The following PSEN2 variants were observed in gnomAD, a reference collection of about 807,000 sequenced individuals.
The protein encoded by PSEN2 is presenilin-2.
A neutral mutation model predicts 49.1 loss-of-function variants in PSEN2; 32 were observed. That is an observed-to-expected ratio of 0.65 (90% confidence interval 0.49 to 0.88). The LOEUF is 0.88. PSEN2 is among the 40% of genes least tolerant of loss of function. The pLI is 0.00. For missense variants in PSEN2, 522 were observed against 586.9 expected, an observed-to-expected ratio of 0.89 and a Z score of 1.14; for synonymous variants, 255 against 244.0, an observed-to-expected ratio of 1.05 and a Z score of -0.42.
chr1:226,900,503 C>T (rs184241213), downstream of PSEN2, among the ~76,000 whole-genome samples: 59 of 152,246 alleles, frequency 3.9e-4, 1 homozygote, highest in African/African-American at 1.1e-3. Flanking sequence ...TCGAATGGGG[C>T]GGCAGGGTCC....
At chr1:226,890,193 C>A in intron 9 of PSEN2, 60 bp downstream of exon 9, 2 of 1,384,744 alleles carry the variant, frequency 1.4e-6, no homozygotes, top group Non-Finnish European at 2.1e-6. Flanking sequence ...TGTGGGGGGA[C>A]AGGGGCCTGC....
At chr1:226,891,709 T>G (rs759079072) in intron 10 of PSEN2, 34 bp from the exon 11 acceptor site, 1 of 1,546,000 alleles carries the variant, frequency 6.5e-7, no homozygotes, top group Non-Finnish European at 8.9e-7. Context: ...CTCCTCACGG[T>G]GATGACGGAC....
chr1:226,885,350 AG>A (rs1472158232), intron 5 of PSEN2, among the ~76,000 whole-genome samples, 187 bp from the exon 6 acceptor site: 2 of 152,156 alleles, frequency 1.3e-5, no homozygotes, highest in African/African-American at 4.8e-5. Context: ...GTCTGTGGTC[AG>A]GGTGCCAGGA....
intron 12 of PSEN2, among the ~76,000 whole-genome samples, 183 bp from the exon 13 acceptor site, chr1:226,895,241 G>A (rs1307647311): frequency 6.6e-6 from 1 of 152,208 alleles, no homozygotes. Flanking sequence ...TCTAATGGGG[G>A]TGAGAACTTC....
chr1:226,897,717 C>G (rs1308758405), downstream of PSEN2: 1 of 155,440 alleles, frequency 6.4e-6, no homozygotes, highest in Non-Finnish European at 1.5e-5. Context: ...ATATTTGCTC[C>G]AGATTTGTCT....
At position 226,895,570 on chromosome 1, in the gene PSEN2, C is replaced by T. The variant is rs758582618; in HGVS notation, c.1338C>T (p.Leu446=). 1.2e-6 allele frequency: 2 copies of T among 1,612,108 alleles called. No homozygotes were observed. Among genetic ancestry groups the T allele is most frequent in the Non-Finnish European group, 1.7e-6 (2 of 1,179,078 alleles). The part of the protein sequence containing the change: ...PFMDTLASHQ[L]YI ...TGGACACCCTGGCCTCCCATCAGCTCTACATCTGAGGGACATGGTGTGCCA... is the reference window on the plus strand; with the variant it reads ...TGGACACCCTGGCCTCCCATCAGCTTTACATCTGAGGGACATGGTGTGCCA... The change falls in exon 13 of 13, where the codon CTC becomes CTT. Residue 446 remains leucine (L), a synonymous_variant. Coordinates refer to ENST00000366783, the MANE Select transcript of PSEN2 (RefSeq NM_000447.3).
At position 226,891,345 on chromosome 1, in the gene PSEN2, C is replaced by G; in HGVS notation, c.954C>G (p.Pro318=). 6.2e-7 allele frequency: 1 copy of G among 1,613,322 alleles called. No individual in the cohort carries two copies. The highest frequency in any genetic ancestry group is 2.2e-5 in the East Asian group (1 of 44,860). The change falls in exon 10 of 13, where the codon CCC becomes CCG. Residue 318 remains proline (P), a synonymous_variant. Coordinates refer to ENST00000366783, the MANE Select transcript of PSEN2 (RefSeq NM_000447.3). The part of the protein sequence containing the change: ...DPSSQGALQL[P]YDPEMEEDSY... ...CCTCTCAGGGTGCCCTCCAGCTCCC[C>G]TACGACCCGGAGATGGGTGAGTATC...
At chr1:226,885,014 GC>G (rs1173982216) in intron 5 of PSEN2, among the ~76,000 whole-genome samples, 3 of 152,174 alleles carry the variant, frequency 2.0e-5, no homozygotes, top group African/African-American at 7.2e-5. Context: ...TGGAGAGAAT[GC>G]AGCCAGCGGT....
rs1165738559 is a variant in PSEN2, at chr1:226,883,808, A to C, written c.245A>C (p.Lys82Thr). 1.2e-6 allele frequency: 2 copies of C among 1,614,154 alleles called. No individual in the cohort carries two copies. The highest frequency in any genetic ancestry group is 2.2e-5 in the South Asian group (2 of 91,072). Residue 82 changes from lysine (K) to threonine (T), a missense_variant, in exon 5 of 13, where the codon AAA (lysine) becomes ACA (threonine). Physicochemically the swap from Lys to Thr is moderately conservative, Grantham distance 78. Coordinates refer to ENST00000366783, the MANE Select transcript of PSEN2 (RefSeq NM_000447.3). ...GGCCTGGAGGAAGAGCTGACCCTCA[A>C]ATACGGAGCGAAGCACGTGATCATG... Reference protein sequence around the residue: ...PPGLEEELTLKYGAKHVIMLF... With the variant: ...PPGLEEELTLTYGAKHVIMLF...
At chr1:226,892,981 G>A (rs569036388) in intron 11 of PSEN2, among the ~76,000 whole-genome samples, 2 of 152,328 alleles carry the variant, frequency 1.3e-5, no homozygotes, top group South Asian at 4.1e-4. Flanking sequence ...TGCCCAGGCT[G>A]GAGTGCAGTA....
In PSEN2 at chr1:226,889,054, G is replaced by T; in HGVS notation, c.787+5G>T. ...TGGGCGCCATCTCTGTGTATGGTAGGTGGGCAGCAAGGCTGGTGGGGGCAG... is the reference window on the plus strand; with the variant it reads ...TGGGCGCCATCTCTGTGTATGGTAGTTGGGCAGCAAGGCTGGTGGGGGCAG... On this transcript the variant is annotated splice_donor_5th_base_variant and intron_variant, in intron 8 of 12. Transcript: ENST00000366783. The T allele has an allele frequency of 6.2e-7, 1 of 1,612,376 alleles. No homozygotes were observed. The highest frequency in any genetic ancestry group is 1.1e-5 in the South Asian group (1 of 90,914).
downstream of PSEN2, chr1:226,898,420 G>A (rs1414855723): frequency 1.3e-5 from 2 of 152,190 alleles, no homozygotes; most frequent in East Asian, 1.9e-4. Context: ...TCCCCCAATT[G>A]ACTGGACATT....
At chr1:226,901,131 G>C (rs116378890), downstream of PSEN2, among the ~76,000 whole-genome samples, 949 of 152,162 alleles carry the variant, frequency 6.2e-3, 14 homozygotes, top group African/African-American at 0.022. Context: ...TCTTCCTGTC[G>C]AGGCCACTCA....
chr1:226,890,828 G>A (rs753572227), intron 9 of PSEN2: 8 of 189,776 alleles, frequency 4.2e-5, no homozygotes, highest in Non-Finnish European at 8.8e-5. Flanking sequence ...AAGAGTTTAT[G>A]GAACAGCTAC....
chr1:226,890,950 G>C, intron 9 of PSEN2: 1 of 382,136 alleles, frequency 2.6e-6, no homozygotes, highest in South Asian at 3.0e-5. Context: ...GATGAGCGGA[G>C]ACCATGTATG....
rs1478034535 is a variant in PSEN2 at position 226,888,519 on chromosome 1, C to A, written c.567-310C>A. On this transcript the variant is annotated intron_variant, in intron 7 of 12. Coordinates refer to ENST00000366783, the MANE Select transcript of PSEN2 (RefSeq NM_000447.3). ...GTGGGAAAAATTATCTGTTCTATCG[C>A]CCCTTGATTTGGGATATCAGCCTGA... 4.6e-5 allele frequency among the ~76,000 whole-genome samples: 7 copies of A among 152,144 alleles called. No homozygotes were observed. The East Asian group carries it at 1.3e-3, about 29-fold the overall frequency.
chr1:226,894,127 T>G lies in PSEN2; in HGVS notation c.1191+2T>G. 1 of 1,612,818 alleles carries G rather than the reference T, an allele frequency of 6.2e-7. No homozygotes were observed. Among genetic ancestry groups the G allele is most frequent in the Non-Finnish European group, 8.5e-7 (1 of 1,178,900 alleles). ...GCCTGCTTCGTGGCCATCCTCATTG[T>G]GAGTGGCTGGGGATGCGTCCAGCTG... is the stretch of plus-strand genomic sequence containing the variant. On this transcript the variant is annotated splice_donor_variant, in intron 12 of 12. Transcript: ENST00000366783. LOFTEE classifies it high-confidence loss of function.
intron 3 of PSEN2, 97 bp from the exon 4 acceptor site, chr1:226,881,791 G>T: frequency 7.3e-7 from 1 of 1,370,794 alleles, no homozygotes; most frequent in South Asian, 1.2e-5. Flanking sequence ...CAGGACTTGT[G>T]TCCAAGTCTC....
At position 226,893,969 on chromosome 1, in the gene PSEN2, C is replaced by T. The variant is rs199963095; in HGVS notation, c.1073-38C>T. 3.4e-5 allele frequency: 52 copies of T among 1,525,870 alleles called. 1 individual carries two copies. Among genetic ancestry groups the T allele is most frequent in the Admixed American group, 2.0e-4 (12 of 59,924 alleles). 94.5% of individuals were successfully genotyped at this position (1,525,870 alleles called of 1,614,324 possible). A position where few individuals can be genotyped will look rare whatever the true frequency, so the allele number is the denominator to read the frequency against. ...TTCTCTTCTTTTTCCATTCTGTGCA[C>T]GCCTCTTCAGTACGGGTTACTGTCT... On this transcript the variant is annotated intron_variant, in intron 11 of 12. Coordinates refer to ENST00000366783, the MANE Select transcript of PSEN2 (RefSeq NM_000447.3).
Sources: allele counts gnomAD v4.1 joint callset (sites outside exome capture counted in the v4.1 genomes callset), GRCh38; gene constraint gnomAD v4.1.1; transcripts MANE v1.5; gene names NCBI Gene and HGNC (gene_info 2026-07-23, HGNC 2026-07-21).